TRIM2: variants seen among roughly 807,000 people sequenced by gnomAD.
The protein encoded by TRIM2 is tripartite motif-containing protein 2.
A neutral mutation model predicts 75.2 loss-of-function variants in TRIM2; 20 were observed. The observed-to-expected ratio is 0.27, with a 90% CI of 0.19 to 0.39. TRIM2 has a LOEUF of 0.39. Ranked by LOEUF, TRIM2 falls within the 10% of genes least tolerant of loss-of-function variation. The pLI is 1.00. For synonymous variants in TRIM2, 373 were observed against 388.3 expected, an observed-to-expected ratio of 0.96 and a Z score of 0.46; for missense variants, 660 against 990.8, an observed-to-expected ratio of 0.67 and a Z score of 4.48.
At chr4:153,208,374 T>A (rs1736039231) in intron 1 of TRIM2, among the ~76,000 whole-genome samples, 1 of 152,036 alleles carries the variant, frequency 6.6e-6, no homozygotes, top group Non-Finnish European at 1.5e-5. Flanking sequence ...TTTGTGTAAT[T>A]TCTTACACAA....
At chr4:153,216,764 C>T (rs1329177192) in intron 1 of TRIM2, among the ~76,000 whole-genome samples, 1 of 152,144 alleles carries the variant, frequency 6.6e-6, no homozygotes, top group Non-Finnish European at 1.5e-5. Flanking sequence ...GTGCCGTGAG[C>T]GTCTTTACAT....
intron 1 of TRIM2, among the ~76,000 whole-genome samples, chr4:153,160,013 T>C (rs1411037754): frequency 6.6e-6 from 1 of 152,260 alleles, no homozygotes; most frequent in Non-Finnish European, 1.5e-5. Context: ...AACTTTGCTA[T>C]GCTTTTGGTT....
intron 1 of TRIM2, among the ~76,000 whole-genome samples, chr4:153,169,398 C>T (rs569086797): frequency 3.3e-5 from 5 of 152,288 alleles, no homozygotes; most frequent in South Asian, 2.1e-4. Context: ...CAGTTCCCTA[C>T]GTTTGTTTTC....
chr4:153,238,436 G>A (rs1440557766), intron 1 of TRIM2, among the ~76,000 whole-genome samples: 2 of 152,182 alleles, frequency 1.3e-5, no homozygotes, highest in Non-Finnish European at 2.9e-5. Flanking sequence ...AGACAGGAGA[G>A]ACATGTAGAA....
rs758446736 is a variant in TRIM2 at position 153,295,943 on chromosome 4, G to T, written c.1417G>T (p.Val473Phe). The T allele has an allele frequency of 6.3e-7, 1 of 1,589,316 alleles. No homozygotes were observed. Among genetic ancestry groups the T allele is most frequent in the Non-Finnish European group, 8.6e-7 (1 of 1,168,980 alleles). Residue 473 changes from valine to phenylalanine, a missense_variant, in exon 6 of 12, where the codon GTC becomes TTC. Coordinates refer to ENST00000338700, the MANE Select transcript of TRIM2 (RefSeq NM_015271.5). The surrounding 1 kb of genome is among the most constrained non-coding windows in gnomAD (Gnocchi z 7.2). ...RRVKSPGSGH[V>F]KQKAVKRPAS... ...CGTTAAGTCCCCGGGGAGCGGCCACGTCAAGCAGAAAGCTGTGAAAAGACC... is the reference window on the plus strand; with the variant it reads ...CGTTAAGTCCCCGGGGAGCGGCCACTTCAAGCAGAAAGCTGTGAAAAGACC...
At chr4:153,259,210 T>C (rs1466994163) in intron 1 of TRIM2, among the ~76,000 whole-genome samples, 1 of 152,228 alleles carries the variant, frequency 6.6e-6, no homozygotes, top group Non-Finnish European at 1.5e-5. Context: ...GTTTTTTCCA[T>C]AGGTAATACT....
intron 1 of TRIM2, among the ~76,000 whole-genome samples, chr4:153,194,404 C>G (rs941617665): frequency 1.3e-5 from 2 of 151,926 alleles, no homozygotes; most frequent in Admixed American, 1.3e-4. Flanking sequence ...ATTTTCATTC[C>G]ACTTAATCAT....
At chr4:153,177,661 C>G (rs555286623) in intron 1 of TRIM2, among the ~76,000 whole-genome samples, 2 of 151,286 alleles carry the variant, frequency 1.3e-5, no homozygotes, top group Admixed American at 1.3e-4. Context: ...AAAAAAAAAT[C>G]AGGAGTCCTA....
At chr4:153,328,807 G>C in intron 11 of TRIM2, 137 bp downstream of exon 11, 1 of 973,016 alleles carries the variant, frequency 1.0e-6, no homozygotes, top group Non-Finnish European at 1.4e-6. Context: ...TCACCAGAAG[G>C]ACCAAACTCA....
chr4:153,221,583 GC>G (rs1740008856), intron 1 of TRIM2, among the ~76,000 whole-genome samples: 1 of 151,948 alleles, frequency 6.6e-6, no homozygotes, highest in African/African-American at 2.4e-5. Flanking sequence ...CTTCCCCTCT[GC>G]CCCCCAAAGA....
chr4:153,206,043 G>A (rs1735337731), intron 1 of TRIM2, among the ~76,000 whole-genome samples: 1 of 152,222 alleles, frequency 6.6e-6, no homozygotes, highest in Non-Finnish European at 1.5e-5. Context: ...AAGGACAGGT[G>A]TGCATCATTC....
chr4:153,168,480 A>G (rs369129879), intron 1 of TRIM2, among the ~76,000 whole-genome samples: 2 of 152,204 alleles, frequency 1.3e-5, no homozygotes, highest in South Asian at 4.1e-4. Flanking sequence ...AAAGTGACCA[A>G]AGATAGGCAG....
Position 153,338,297 on chromosome 4 carries a change from G to A in TRIM2, c.*3331G>A, listed in dbSNP as rs1036229081. The A allele has an allele frequency of 6.1e-6, 6 of 985,720 alleles. No homozygotes were observed. The African/African-American group carries it at 1.0e-4, about 17-fold the overall frequency. The allele number at this position is 985,720 out of a possible 1,614,324, so 61.1% of individuals were successfully genotyped here. A position where few individuals can be genotyped will look rare whatever the true frequency, so the allele number is the denominator to read the frequency against. ...GTAGTAAATAAACATTAGGTAATCT[G>A]CAGATTACTTCAAATGGGAAAAATC... On this transcript the variant is annotated 3_prime_UTR_variant, in exon 12 of 12. Transcript: ENST00000338700.
At chr4:153,327,838 A>G (rs1193134110) in intron 10 of TRIM2, among the ~76,000 whole-genome samples, 2 of 152,236 alleles carry the variant, frequency 1.3e-5, no homozygotes, top group Non-Finnish European at 2.9e-5. Context: ...ACTGAGAGAT[A>G]AAAGAGTAAT....
intron 1 of TRIM2, among the ~76,000 whole-genome samples, chr4:153,239,119 G>A (rs991005707): frequency 2.6e-5 from 4 of 152,130 alleles, no homozygotes; most frequent in East Asian, 1.9e-4. Context: ...TTGGGAGGCC[G>A]AGGTGGGTGG....
rs116432482 is a variant in TRIM2 at position 153,264,857 on chromosome 4, C to T, written c.31-5478C>T. 8.9e-4 allele frequency among the ~76,000 whole-genome samples: 136 copies of T among 152,140 alleles called. 1 individual carries two copies. The highest frequency in any genetic ancestry group is 3.1e-3 in the African/African-American group (129 of 41,474). ...TTTGGGGATTGGAAACCTTTTGTGT[C>T]GATTCTTGGAGTTCTAAAAATCCAG... On this transcript the variant is annotated intron_variant, in intron 1 of 11. Transcript: ENST00000338700.
chr4:153,276,481 G>T (rs1758053478), intron 3 of TRIM2, among the ~76,000 whole-genome samples: 1 of 152,190 alleles, frequency 6.6e-6, no homozygotes, highest in Non-Finnish European at 1.5e-5. Flanking sequence ...TTATTAAAAT[G>T]TTAATTAGAG....
At chr4:153,298,484 T>C (rs1468863957) in intron 6 of TRIM2, among the ~76,000 whole-genome samples, 1 of 152,160 alleles carries the variant, frequency 6.6e-6, no homozygotes, top group Non-Finnish European at 1.5e-5. Context: ...TTCCTCTTCT[T>C]ATAAGAACAC....
chr4:153,239,307 G>A (rs1161741735), intron 1 of TRIM2, among the ~76,000 whole-genome samples: 3 of 150,446 alleles, frequency 2.0e-5, no homozygotes, highest in Non-Finnish European at 4.4e-5. Context: ...AGCCGAGATC[G>A]TGCCACTGCA....
Sources: gnomAD v4.1 joint callset for allele counts (sites outside exome capture counted in the v4.1 genomes callset) on GRCh38, gnomAD v4.1.1 for gene constraint, Gnocchi (gnomAD v3.1) non-coding constraint, MANE v1.5 for transcripts, NCBI Gene and HGNC (gene_info 2026-07-23, HGNC 2026-07-21) for gene names.